HS3ST4: variants seen among roughly 807,000 people sequenced by gnomAD.
The protein encoded by HS3ST4 is heparan sulfate glucosamine 3-O-sulfotransferase 4.
Under a neutral mutation model 29.2 loss-of-function variants are expected in HS3ST4, and 17 were observed. That is an observed-to-expected ratio of 0.58 (90% CI 0.40 to 0.87). The LOEUF (loss-of-function observed/expected upper bound fraction) is 0.87. Among genes scored for constraint, HS3ST4 ranks in the 40% least tolerant of loss-of-function variants. The pLI is 0.00. For synonymous variants in HS3ST4, 314 were observed against 285.7 expected, an observed-to-expected ratio of 1.10 and a Z score of -1.00; for missense variants, 627 against 634.5, an observed-to-expected ratio of 0.99 and a Z score of 0.13.
chr16:25,756,128 ACACACACACACACACACACACACACG>A (rs1437059923), intron 1 of HS3ST4, among the ~76,000 whole-genome samples: 1 of 46,700 alleles, frequency 2.1e-5, no homozygotes, highest in African/African-American at 1.2e-4. Context: ...ACACACACAT[ACACACACACACACACACACACACACG>A]CACACACACA....
chr16:25,757,610 A>G (rs1020444325), intron 1 of HS3ST4, among the ~76,000 whole-genome samples: 3 of 149,774 alleles, frequency 2.0e-5, no homozygotes, highest in Admixed American at 1.3e-4. Flanking sequence ...TAATAGAGAG[A>G]GTGTAAAAAT....
intron 1 of HS3ST4, among the ~76,000 whole-genome samples, chr16:26,052,285 G>A (rs372564475): frequency 2.6e-5 from 4 of 152,136 alleles, no homozygotes; most frequent in African/African-American, 9.7e-5. Context: ...GTTGAATCTA[G>A]CATGAAAATG....
intron 1 of HS3ST4, among the ~76,000 whole-genome samples, chr16:26,116,289 A>G (rs1899199525): frequency 6.6e-6 from 1 of 152,220 alleles, no homozygotes; most frequent in African/African-American, 2.4e-5. Flanking sequence ...GGGCCAATAG[A>G]TAAAGTCTGC....
chr16:25,782,638 A>G (rs2141616016), intron 1 of HS3ST4, among the ~76,000 whole-genome samples: 1 of 152,292 alleles, frequency 6.6e-6, no homozygotes, highest in South Asian at 2.1e-4. Context: ...GCAGTTCTAG[A>G]TTAGTTAAAG....
At chr16:25,764,250 G>T (rs1966804879) in intron 1 of HS3ST4, among the ~76,000 whole-genome samples, 1 of 152,188 alleles carries the variant, frequency 6.6e-6, no homozygotes, top group Non-Finnish European at 1.5e-5. Context: ...TCTGGACTGG[G>T]GATGACTTGC....
At chr16:25,914,745 A>C (rs1374237449) in intron 1 of HS3ST4, among the ~76,000 whole-genome samples, 1 of 151,690 alleles carries the variant, frequency 6.6e-6, no homozygotes, top group Admixed American at 6.6e-5. Flanking sequence ...GAGAGCTGAA[A>C]GGCAGCGGAG....
chr16:25,924,962 C>A (rs1968388522), intron 1 of HS3ST4, among the ~76,000 whole-genome samples: 1 of 152,038 alleles, frequency 6.6e-6, no homozygotes, highest in Non-Finnish European at 1.5e-5. Context: ...TTTCATCTTG[C>A]TTAAGCAACA....
chr16:25,757,143 T>C (rs561598167), intron 1 of HS3ST4, among the ~76,000 whole-genome samples: 14 of 152,290 alleles, frequency 9.2e-5, no homozygotes, highest in Non-Finnish European at 1.8e-4. Context: ...TACATAGATA[T>C]CATTGTGAAT....
At chr16:25,717,585 G>A (rs1966464350) in intron 1 of HS3ST4, among the ~76,000 whole-genome samples, 1 of 150,412 alleles carries the variant, frequency 6.6e-6, no homozygotes, top group Non-Finnish European at 1.5e-5. Context: ...AATAGCATGT[G>A]TAAAAACCTC....
Position 25,903,302 on chromosome 16 carries a change from G to GTATATATTATATACA in HS3ST4, c.734+210154_734+210155insATATTATATACATAT, listed in dbSNP as rs1555471412. Among the ~76,000 whole-genome samples the GTATATATTATATACA allele has an allele frequency of 2.1e-3, 214 of 103,496 alleles. 1 individual carries two copies. Among genetic ancestry groups the GTATATATTATATACA allele is most frequent in the African/African-American group, 7.3e-3 (192 of 26,318 alleles). 67.9% of individuals were successfully genotyped at this position (103,496 alleles called of 152,430 possible). A position where few individuals can be genotyped will look rare whatever the true frequency, so the allele number is the denominator to read the frequency against. On this transcript the variant is annotated intron_variant, in intron 1 of 1. Transcript: ENST00000331351. ...TGTGTGTGTGTGTGTGTGTGTGTGTGTATGTATATGTATATATTATATATA... is the reference window on the plus strand; with the variant it reads ...TGTGTGTGTGTGTGTGTGTGTGTGTGTATATATTATATACATATGTATATGTATATATTATATATA...
At chr16:25,956,767 G>A (rs185337858) in intron 1 of HS3ST4, among the ~76,000 whole-genome samples, 9 of 152,218 alleles carry the variant, frequency 5.9e-5, no homozygotes, top group Non-Finnish European at 1.2e-4. Context: ...GGGAGGCTGA[G>A]GCGGGCACAT....
rs144053202 is a variant in HS3ST4 at position 25,913,796 on chromosome 16, G to T, written c.734+220645G>T. On this transcript the variant is annotated intron_variant, in intron 1 of 1. Transcript: ENST00000331351. ...GGGTGTATGTGGATGTGGAGGGAGG[G>T]TGTATATGTGTGGGGTGTGTGTGCA... is the stretch of plus-strand genomic sequence containing the variant. 5.5e-3 allele frequency among the ~76,000 whole-genome samples: 828 copies of T among 150,490 alleles called. 5 individuals carry two copies. Among genetic ancestry groups the T allele is most frequent in the Non-Finnish European group, 8.9e-3 (600 of 67,506 alleles).
chr16:26,104,677 C>T (rs999695873), intron 1 of HS3ST4, among the ~76,000 whole-genome samples: 1 of 152,218 alleles, frequency 6.6e-6, no homozygotes, highest in African/African-American at 2.4e-5. Context: ...AAATCCAATT[C>T]TCTCCTCAAC....
At chr16:25,741,733 G>A (rs898374682) in intron 1 of HS3ST4, among the ~76,000 whole-genome samples, 2 of 152,102 alleles carry the variant, frequency 1.3e-5, no homozygotes, top group African/African-American at 4.8e-5. Flanking sequence ...AGGCATGGAG[G>A]TGTGCAGGAA....
rs574851830 is a variant in HS3ST4, at chr16:25,804,756, G to A, written c.734+111605G>A. 4.6e-5 allele frequency among the ~76,000 whole-genome samples: 7 copies of A among 151,996 alleles called. No homozygotes were observed. In the South Asian group the frequency reaches 1.0e-3, roughly 23 times the overall value. On this transcript the variant is annotated intron_variant, in intron 1 of 1. Transcript: ENST00000331351. ...CAAAACCGCACAACATTTTTTTCTAGGGTTTTATCCTGTCCTCCCTTAGGC... is the reference window on the plus strand; with the variant it reads ...CAAAACCGCACAACATTTTTTTCTAAGGTTTTATCCTGTCCTCCCTTAGGC...
chr16:26,026,511 C>T (rs1567296541), intron 1 of HS3ST4, among the ~76,000 whole-genome samples: 2 of 152,144 alleles, frequency 1.3e-5, no homozygotes, highest in Non-Finnish European at 2.9e-5. Flanking sequence ...TCCATGCAGG[C>T]TAGCTTTGCC....
chr16:25,783,857 T>C (rs1966854881), intron 1 of HS3ST4, among the ~76,000 whole-genome samples: 1 of 152,210 alleles, frequency 6.6e-6, no homozygotes. Context: ...TATACAGGTA[T>C]ACTTTAATTT....
intron 1 of HS3ST4, among the ~76,000 whole-genome samples, chr16:26,114,986 G>C (rs1899182178): frequency 6.6e-6 from 1 of 152,040 alleles, no homozygotes; most frequent in Admixed American, 6.5e-5. Context: ...CTCTCTCTAG[G>C]AGAATAGCTA....
intron 1 of HS3ST4, among the ~76,000 whole-genome samples, chr16:25,704,144 A>G (rs934564967): frequency 2.6e-5 from 4 of 152,348 alleles, no homozygotes; most frequent in South Asian, 2.1e-4. Context: ...AGGACCTTGT[A>G]TGTACGATAC....
Sources: allele counts gnomAD v4.1 joint callset (sites outside exome capture counted in the v4.1 genomes callset), GRCh38; gene constraint gnomAD v4.1.1; transcripts MANE v1.5; gene names NCBI Gene and HGNC (gene_info 2026-07-23, HGNC 2026-07-21).